TMPRSS11B: variants seen among roughly 807,000 people sequenced by gnomAD.
The protein encoded by TMPRSS11B is transmembrane serine protease 11B, also known as transmembrane protease serine 11B.
TMPRSS11B carries 53 observed loss-of-function variants against 44.7 expected under a neutral mutation model. The observed-to-expected ratio is 1.19, with a 90% CI of 0.95 to 1.49. TMPRSS11B has a LOEUF of 1.49. Ranked by LOEUF, TMPRSS11B falls within the 40% of genes most tolerant of loss-of-function variation. The pLI is 0.00. For synonymous variants in TMPRSS11B, 140 were observed against 159.2 expected (o/e 0.88, Z 0.91); for missense variants, 526 against 494.8 (o/e 1.06, Z -0.60).
intron 2 of TMPRSS11B, among the ~76,000 whole-genome samples, chr4:68,240,879 T>C (rs1719803545): frequency 6.6e-6 from 1 of 152,122 alleles, no homozygotes; most frequent in Admixed American, 6.6e-5. Context: ...ATTTCAGAGA[T>C]ATAAAACTCA....
At chr4:68,243,486 A>G (rs1719917420) in intron 1 of TMPRSS11B, among the ~76,000 whole-genome samples, 2 of 152,092 alleles carry the variant, frequency 1.3e-5, no homozygotes, top group African/African-American at 4.8e-5. Flanking sequence ...AGTGTTTCGC[A>G]GAACCAACAT....
At chr4:68,245,230 A>G (rs1031422986) in intron 1 of TMPRSS11B, among the ~76,000 whole-genome samples, 1 of 152,194 alleles carries the variant, frequency 6.6e-6, no homozygotes, top group African/African-American at 2.4e-5. Flanking sequence ...ATTACTAGAG[A>G]ATAAAAACGG....
chr4:68,236,098 G>A (rs1208113962), intron 3 of TMPRSS11B, 29 bp from the exon 4 acceptor site: 2 of 1,572,390 alleles, frequency 1.3e-6, no homozygotes, highest in Non-Finnish European at 1.7e-6. Flanking sequence ...CAGTCATCAT[G>A]TATGTTTCAA....
chr4:68,242,417 A>G (rs1719886787), intron 1 of TMPRSS11B, among the ~76,000 whole-genome samples: 2 of 114,050 alleles, frequency 1.8e-5, no homozygotes, highest in Admixed American at 2.6e-4. Flanking sequence ...TATTATAAAT[A>G]CATAATATAA....
Position 68,236,183 on chromosome 4 carries a change from T to A in TMPRSS11B, c.208A>T (p.Ser70Cys). The A allele has an allele frequency of 6.2e-7, 1 of 1,612,234 alleles. No homozygotes were observed. The highest frequency in any genetic ancestry group is 8.5e-7 in the Non-Finnish European group (1 of 1,179,144). Residue 70 changes from serine (S) to cysteine (C), a missense_variant, in exon 3 of 10, where the codon AGC (serine) becomes TGC (cysteine). Physicochemically the swap from Ser to Cys is moderately radical, Grantham distance 112 (BLOSUM62 -1). Coordinates refer to ENST00000332644, the MANE Select transcript of TMPRSS11B (RefSeq NM_182502.3). ...DNCENAASQA[S>C]TNLSKDIETK... Reference sequence around the variant, plus strand: ...TCAATATCTTTGCTTAGATTTGTGCTGGCTTGTGAAGCTGCGTTTTCACAA... The same window carrying A: ...TCAATATCTTTGCTTAGATTTGTGCAGGCTTGTGAAGCTGCGTTTTCACAA...
At chr4:68,233,961 G>A (rs1719589687) in intron 5 of TMPRSS11B, among the ~76,000 whole-genome samples, 1 of 151,768 alleles carries the variant, frequency 6.6e-6, no homozygotes. Flanking sequence ...CACAAGGTCG[G>A]GAGTTCAAGA....
chr4:68,233,020 T>C (rs751485174), intron 5 of TMPRSS11B, among the ~76,000 whole-genome samples: 108 of 152,116 alleles, frequency 7.1e-4, no homozygotes, highest in Admixed American at 2.2e-3. Flanking sequence ...GAAATCTCCT[T>C]ACTAAGAATG....
At position 68,236,215 on chromosome 4, in the gene TMPRSS11B, TTGTA is replaced by T; in HGVS notation, c.172_175del (p.Tyr58MetfsTer15). ...TGAAGCTGCGTTTTCACAATTATCATTGTATGTGACTCCAGAAATATGAAAATCA... is the reference window on the plus strand; with the variant it reads ...TGAAGCTGCGTTTTCACAATTATCATTGTGACTCCAGAAATATGAAAATCA... On this transcript the variant is annotated frameshift_variant, in exon 3 of 10. Coordinates refer to ENST00000332644, the MANE Select transcript of TMPRSS11B (RefSeq NM_182502.3). LOFTEE classifies it high-confidence loss of function. 6.2e-7 allele frequency: 1 copy of T among 1,612,754 alleles called. No individual in the cohort carries two copies. The highest frequency in any genetic ancestry group is 2.2e-5 in the East Asian group (1 of 44,792).
Position 68,229,450 on chromosome 4 carries a change from C to T in TMPRSS11B, c.753G>A (p.Arg251=), listed in dbSNP as rs1346439904. 2 of 1,613,804 alleles carry T rather than the reference C, an allele frequency of 1.2e-6. No homozygotes were observed. Among genetic ancestry groups the T allele is most frequent in the Non-Finnish European group, 8.5e-7 (1 of 1,179,800 alleles). ...GIVVNKPYMT[R]KVQNIIFHEN... ...CATGAAAAATAATGTTTTGGACTTT[C>T]CGTGTCATATATGGTTTATTTACTA... Residue 251 remains arginine (R), a synonymous_variant, in exon 8 of 10, where the codon CGG becomes CGA. Transcript: ENST00000332644.
rs141492035 is a variant in TMPRSS11B, at chr4:68,235,568, C to T, written c.308+434G>A. 4.2e-4 allele frequency among the ~76,000 whole-genome samples: 64 copies of T among 152,198 alleles called. 1 individual carries two copies. The highest frequency in any genetic ancestry group is 1.5e-3 in the African/African-American group (61 of 41,522). On this transcript the variant is annotated intron_variant, in intron 4 of 9. Transcript: ENST00000332644. The stretch of plus-strand genomic sequence containing the variant: ...TAAAATATTGTCTTTGTTCCACAGC[C>T]ATTGTAAGGATGATAATTATTAAGG...
In TMPRSS11B at chr4:68,229,180, ATGATTGAT is replaced by A. The variant is rs201568602; in HGVS notation, c.946+69_946+76del. 9 of 1,289,326 alleles carry A rather than the reference ATGATTGAT, an allele frequency of 7.0e-6. No homozygotes were observed. In the African/African-American group the frequency reaches 8.4e-5, roughly 12 times the overall value. 79.9% of individuals were successfully genotyped at this position (1,289,326 alleles called of 1,614,324 possible). ...ACTGATTGATTAATTGCATGAGGGGATGATTGATTGATTGATTGATTGATTGATTAAAT... is the reference window on the plus strand; with the variant it reads ...ACTGATTGATTAATTGCATGAGGGGATGATTGATTGATTGATTGATTAAAT... On this transcript the variant is annotated intron_variant, in intron 8 of 9. Coordinates refer to ENST00000332644, the MANE Select transcript of TMPRSS11B (RefSeq NM_182502.3).
chr4:68,231,122 A>C, intron 7 of TMPRSS11B, 81 bp downstream of exon 7: 1 of 1,246,770 alleles, frequency 8.0e-7, no homozygotes, highest in Non-Finnish European at 1.1e-6. Context: ...GTGAACCTTG[A>C]CACATTAAGT....
Position 68,245,665 on chromosome 4 carries a change from C to T in TMPRSS11B, c.-107G>A, listed in dbSNP as rs1173845414. On this transcript the variant is annotated 5_prime_UTR_variant, in exon 1 of 10. Transcript: ENST00000332644. ...GTAATAGTGATGACAAAAGTTAGAA[C>T]CTTCTGACGCAGCTTTTGACTTATG... 1.8e-5 allele frequency: 24 copies of T among 1,362,500 alleles called. No homozygotes were observed. In the East Asian group the frequency reaches 5.5e-4, roughly 31 times the overall value. 84.4% of individuals were successfully genotyped at this position (1,362,500 alleles called of 1,614,324 possible). A position where few individuals can be genotyped will look rare whatever the true frequency, so the allele number is the denominator to read the frequency against.
In TMPRSS11B at chr4:68,232,271, G is replaced by A. The variant is rs564790308; in HGVS notation, c.508+107C>T. The A allele has an allele frequency of 1.4e-4, 145 of 1,049,782 alleles. 1 individual carries two copies. The highest frequency in any genetic ancestry group is 8.8e-4 in the Middle Eastern group (3 of 3,394). The allele number at this position is 1,049,782 out of a possible 1,614,324, so 65.0% of individuals were successfully genotyped here. A position where few individuals can be genotyped will look rare whatever the true frequency, so the allele number is the denominator to read the frequency against. On this transcript the variant is annotated intron_variant, in intron 6 of 9. Coordinates refer to ENST00000332644, the MANE Select transcript of TMPRSS11B (RefSeq NM_182502.3). ...TGGTATATCTAGTAATTCGGAAAGC[G>A]TGTTATGGGATTTCCACATGACATA... is the stretch of plus-strand genomic sequence containing the variant.
At chr4:68,244,178 C>CT (rs991269173) in intron 1 of TMPRSS11B, among the ~76,000 whole-genome samples, 1 of 152,164 alleles carries the variant, frequency 6.6e-6, no homozygotes, top group Non-Finnish European at 1.5e-5. Flanking sequence ...TTTGGCAACA[C>CT]TTTTTTCTAA....
Position 68,241,703 on chromosome 4 carries a change from T to A in TMPRSS11B, c.110A>T (p.His37Leu), listed in dbSNP as rs774658891. The A allele has an allele frequency of 6.2e-6, 10 of 1,610,582 alleles. No individual in the cohort carries two copies. Among genetic ancestry groups the A allele is most frequent in the South Asian group, 1.1e-5 (1 of 90,894 alleles). ...ILGVTIGLLV[H>L]FLAVEKTYYY... Reference sequence around the variant, plus strand: ...TCAGTACTCACCAACTGCCAGAAAATGAACAAGAAGACCAATGGTTACTCC... The same window carrying A: ...TCAGTACTCACCAACTGCCAGAAAAAGAACAAGAAGACCAATGGTTACTCC... Residue 37 changes from histidine (H) to leucine (L), a missense_variant, in exon 2 of 10, where the codon CAT (histidine) becomes CTT (leucine). Transcript: ENST00000332644.
chr4:68,237,706 C>G (rs190059516), intron 2 of TMPRSS11B, among the ~76,000 whole-genome samples: 1 of 152,216 alleles, frequency 6.6e-6, no homozygotes, highest in Non-Finnish European at 1.5e-5. Flanking sequence ...TAATTTAAAA[C>G]AGGACAAGCC....
intron 2 of TMPRSS11B, among the ~76,000 whole-genome samples, chr4:68,236,672 C>G (rs1001843010): frequency 2.0e-5 from 3 of 152,204 alleles, no homozygotes; most frequent in African/African-American, 4.8e-5. Context: ...GCAATGCCCA[C>G]AGTCACTAAC....
rs374678136 is a variant in TMPRSS11B, at chr4:68,228,894, A to G, written c.947-10T>C. The G allele has an allele frequency of 7.0e-5, 113 of 1,611,210 alleles. No homozygotes were observed. The highest frequency in any genetic ancestry group is 4.1e-4 in the African/African-American group (31 of 74,948). On this transcript the variant is annotated splice_polypyrimidine_tract_variant and intron_variant, in intron 8 of 9. Coordinates refer to ENST00000332644, the MANE Select transcript of TMPRSS11B (RefSeq NM_182502.3). Reference sequence around the variant, plus strand: ...ATCACTGGAAATGAACCTAAAAGCAATAAGTGCTGCATATTATGCAGATCT... The same window carrying G: ...ATCACTGGAAATGAACCTAAAAGCAGTAAGTGCTGCATATTATGCAGATCT...
Sources: allele counts gnomAD v4.1 joint callset (sites outside exome capture counted in the v4.1 genomes callset), GRCh38; gene constraint gnomAD v4.1.1; transcripts MANE v1.5; gene names NCBI Gene and HGNC (gene_info 2026-07-23, HGNC 2026-07-21).